Variants in EIF3E observed in about 807,000 individuals in gnomAD.
EIF3E encodes eIF-3 p48.
Under a neutral mutation model 59.3 loss-of-function variants are expected in EIF3E, and 25 were observed. The ratio of observed to expected loss-of-function variants is 0.42; its 90% CI spans 0.31 to 0.59. EIF3E has a LOEUF of 0.59. Ranked by LOEUF, EIF3E falls within the 20% of genes least tolerant of loss-of-function variation. The pLI is 0.15. For missense variants in EIF3E, 317 were observed against 534.3 expected, an observed-to-expected ratio of 0.59 and a Z score of 4.01; for synonymous variants, 176 against 170.2, an observed-to-expected ratio of 1.03 and a Z score of -0.26.
intron 5 of EIF3E, chr8:108,233,743 G>T: frequency 3.6e-6 from 1 of 281,426 alleles, no homozygotes. Context: ...TATTCAGGAG[G>T]CAAGAGAATC....
Position 108,214,034 on chromosome 8 carries a change from A to T in EIF3E, c.1061+573T>A, listed in dbSNP as rs529082130. Among the ~76,000 whole-genome samples the T allele has an allele frequency of 3.3e-5, 5 of 152,352 alleles. No individual in the cohort carries two copies. The South Asian group carries it at 1.0e-3, about 32-fold the overall frequency. Reference sequence around the variant, plus strand: ...TCATTTTTCAAACTGTAATGTGTACAATTTATTTCTAATAGGTTATGTACA... The same window carrying T: ...TCATTTTTCAAACTGTAATGTGTACTATTTATTTCTAATAGGTTATGTACA... On this transcript the variant is annotated intron_variant, in intron 10 of 12. Transcript: ENST00000220849.
At position 108,213,208 on chromosome 8, in the gene EIF3E, T is replaced by C. The variant is rs1036192259; in HGVS notation, c.1061+1399A>G. Among the ~76,000 whole-genome samples, 10 of 152,274 alleles carry C rather than the reference T, an allele frequency of 6.6e-5. No homozygotes were observed. The South Asian group carries it at 1.4e-3, about 22-fold the overall frequency. ...AAATCCCAAGAAAGAAAATAATGAATACATGGCTGCAGAGTTAAAGGAAAA... is the reference window on the plus strand; with the variant it reads ...AAATCCCAAGAAAGAAAATAATGAACACATGGCTGCAGAGTTAAAGGAAAA... On this transcript the variant is annotated intron_variant, in intron 10 of 12. Coordinates refer to ENST00000220849, the MANE Select transcript of EIF3E (RefSeq NM_001568.3).
intron 10 of EIF3E, among the ~76,000 whole-genome samples, chr8:108,210,341 G>C (rs1815183171): frequency 6.6e-6 from 1 of 152,118 alleles, no homozygotes; most frequent in Non-Finnish European, 1.5e-5. Context: ...GATTCAGAAG[G>C]CCTGGGATAA....
intron 1 of EIF3E, among the ~76,000 whole-genome samples, chr8:108,244,219 C>T (rs935480324): frequency 5.3e-5 from 8 of 152,136 alleles, no homozygotes; most frequent in African/African-American, 1.9e-4. Context: ...AATTATTTCA[C>T]TTAATTGGGG....
chr8:108,212,477 A>C (rs1179356162), intron 10 of EIF3E, among the ~76,000 whole-genome samples: 1 of 152,188 alleles, frequency 6.6e-6, no homozygotes, highest in African/African-American at 2.4e-5. Flanking sequence ...GATCCCTAAG[A>C]TTTCTTTCAG....
At chr8:108,230,535 T>C (rs1815603951) in intron 5 of EIF3E, among the ~76,000 whole-genome samples, 1 of 152,092 alleles carries the variant, frequency 6.6e-6, no homozygotes, top group Non-Finnish European at 1.5e-5. Context: ...GATCTAAACA[T>C]TGGGGACCAC....
rs138718979 is a variant in EIF3E, at chr8:108,226,767, G to A, written c.722+1500C>T. 3.9e-3 allele frequency among the ~76,000 whole-genome samples: 589 copies of A among 152,104 alleles called. 1 individual carries two copies. The highest frequency in any genetic ancestry group is 0.015 in the South Asian group (71 of 4,820). On this transcript the variant is annotated intron_variant, in intron 7 of 12. Coordinates refer to ENST00000220849, the MANE Select transcript of EIF3E (RefSeq NM_001568.3). ...TAAATACTGACCAATACATTCATCA[G>A]GACCCATAATCCTGTTAATGGAATC...
At chr8:108,237,021 C>CA (rs1356120046) in intron 3 of EIF3E, among the ~76,000 whole-genome samples, 12 of 147,534 alleles carry the variant, frequency 8.1e-5, no homozygotes, top group South Asian at 2.2e-4. Context: ...GACTCTGTCT[C>CA]AAAAAAAAAT....
chr8:108,214,672 G>C lies in EIF3E; in HGVS notation c.996C>G (p.Phe332Leu). ...DFFLVACLED[F>L]IENARLFIFE... ...ATATGAAGAGACGGGCATTTTCAATGAAATCCTCAAGACAAGCCACCAAGA... is the reference window on the plus strand; with the variant it reads ...ATATGAAGAGACGGGCATTTTCAATCAAATCCTCAAGACAAGCCACCAAGA... The change falls in exon 10 of 13, where the codon TTC becomes TTG. Residue 332 changes from phenylalanine (F) to leucine (L), a missense_variant. Physicochemically the swap from Phe to Leu is conservative, Grantham distance 22. Transcript: ENST00000220849. 1.9e-6 allele frequency: 3 copies of C among 1,611,908 alleles called. No individual in the cohort carries two copies. Among genetic ancestry groups the C allele is most frequent in the Non-Finnish European group, 2.5e-6 (3 of 1,179,466 alleles).
intron 7 of EIF3E, among the ~76,000 whole-genome samples, chr8:108,220,746 A>T (rs1463715447): frequency 6.6e-6 from 1 of 152,246 alleles, no homozygotes; most frequent in Non-Finnish European, 1.5e-5. Context: ...TTCTCGCTGA[A>T]AGGTTAATAG....
At chr8:108,233,826 G>T (rs145581575) in intron 5 of EIF3E, among the ~76,000 whole-genome samples, 2 of 102,044 alleles carry the variant, frequency 2.0e-5, no homozygotes, top group Non-Finnish European at 3.6e-5. Context: ...GTGAGAGCAA[G>T]ACCCTGTCTC....
intron 5 of EIF3E, among the ~76,000 whole-genome samples, chr8:108,230,638 A>G (rs1815605736): frequency 6.6e-6 from 1 of 152,124 alleles, no homozygotes; most frequent in Admixed American, 6.5e-5. Flanking sequence ...CAGGGAGTAG[A>G]TGTGTAAATT....
chr8:108,230,624 AAC>A (rs1246367294), intron 5 of EIF3E, among the ~76,000 whole-genome samples: 3 of 152,164 alleles, frequency 2.0e-5, no homozygotes, highest in Non-Finnish European at 4.4e-5. Context: ...GCAGGCAAAT[AAC>A]ACAGGGAGTA....
chr8:108,204,782 CAGAGAGAGAGAG>C (rs1180539617), intron 10 of EIF3E, among the ~76,000 whole-genome samples: 1 of 113,138 alleles, frequency 8.8e-6, no homozygotes, highest in African/African-American at 3.6e-5. Context: ...GAGAGAGAGA[CAGAGAGAGAGAG>C]AGAGAGAGAC....
At chr8:108,206,536 T>C (rs1815103334) in intron 10 of EIF3E, among the ~76,000 whole-genome samples, 1 of 151,952 alleles carries the variant, frequency 6.6e-6, no homozygotes, top group Non-Finnish European at 1.5e-5. Flanking sequence ...TTTGGGAGGC[T>C]GAGGCCAGAA....
At chr8:108,208,493 C>A (rs1413142611) in intron 10 of EIF3E, among the ~76,000 whole-genome samples, 1 of 152,034 alleles carries the variant, frequency 6.6e-6, no homozygotes, top group Non-Finnish European at 1.5e-5. Flanking sequence ...ATGCTAAATC[C>A]TTATGTGAAA....
intron 7 of EIF3E, among the ~76,000 whole-genome samples, chr8:108,225,911 G>C (rs1815507798): frequency 6.8e-6 from 1 of 146,450 alleles, no homozygotes; most frequent in African/African-American, 2.8e-5. Context: ...TCTATTATGT[G>C]TTAAATTGAA....
At chr8:108,221,095 AAAAGAAAAGGG>A (rs1313544907) in intron 7 of EIF3E, among the ~76,000 whole-genome samples, 3 of 152,182 alleles carry the variant, frequency 2.0e-5, no homozygotes, top group Admixed American at 6.5e-5. Flanking sequence ...ACTGGGAATG[AAAAGAAAAGGG>A]AAAGGAAAAG....
intron 1 of EIF3E, among the ~76,000 whole-genome samples, chr8:108,244,556 C>T (rs1304253793): frequency 6.6e-6 from 1 of 152,054 alleles, no homozygotes; most frequent in Non-Finnish European, 1.5e-5. Flanking sequence ...CAACTTAAAA[C>T]TGATAACCCC....
Sources: gnomAD v4.1 joint callset for allele counts (sites outside exome capture counted in the v4.1 genomes callset) on GRCh38, gnomAD v4.1.1 for gene constraint, MANE v1.5 for transcripts, NCBI Gene and HGNC (gene_info 2026-07-23, HGNC 2026-07-21) for gene names.